The following CYP46A1 variants were observed in gnomAD, a reference collection of about 807,000 sequenced individuals.
The protein encoded by CYP46A1 is cytochrome P450 family 46 subfamily A member 1.
CYP46A1 carries 20 observed loss-of-function variants against 63.3 expected under a neutral mutation model. The observed-to-expected ratio is 0.32, with a 90% CI of 0.22 to 0.46. The LOEUF is 0.46. Among genes scored for constraint, CYP46A1 ranks in the 20% least tolerant of loss-of-function variants. CYP46A1 has a pLI of 1.00. For missense variants in CYP46A1, 445 were observed against 670.8 expected (o/e 0.66, Z 3.72); for synonymous variants, 268 against 273.6 (o/e 0.98, Z 0.20).
intron 6 of CYP46A1, 85 bp downstream of exon 6, chr14:99,706,870 C>G: frequency 6.7e-7 from 1 of 1,487,892 alleles, no homozygotes; most frequent in Non-Finnish European, 9.0e-7. Flanking sequence ...TTCTCTCTTC[C>G]CCTCCCTCCT....
intron 7 of CYP46A1, chr14:99,709,210 TA>T (rs1428518743): frequency 2.0e-5 from 3 of 151,748 alleles, no homozygotes; most frequent in Non-Finnish European, 2.9e-5. Flanking sequence ...CCAAAGAAAA[TA>T]AAATTTATTA....
intron 7 of CYP46A1, 157 bp downstream of exon 7, chr14:99,707,835 C>A: frequency 1.6e-6 from 1 of 614,526 alleles, no homozygotes; most frequent in Non-Finnish European, 2.8e-6. Context: ...GCATGCATTG[C>A]CTAAAGTAAA....
At chr14:99,697,514 G>A (rs989415639) in intron 3 of CYP46A1, among the ~76,000 whole-genome samples, 4 of 152,136 alleles carry the variant, frequency 2.6e-5, no homozygotes, top group Non-Finnish European at 5.9e-5. Flanking sequence ...TAGAAAGCTC[G>A]GTAATCCTAG....
chr14:99,710,161 A>G (rs2056716712), intron 7 of CYP46A1: 1 of 152,212 alleles, frequency 6.6e-6, no homozygotes, highest in African/African-American at 2.4e-5. Flanking sequence ...GATAGGGCAG[A>G]TCAGCAAATG....
chr14:99,713,580 C>G (rs763400085), intron 7 of CYP46A1: 11 of 151,672 alleles, frequency 7.3e-5, no homozygotes, highest in African/African-American at 2.7e-4. Flanking sequence ...GCAACAACAA[C>G]GAAAATAGAC....
At chr14:99,716,106 G>T in intron 8 of CYP46A1, 31 bp from the exon 9 acceptor site, 1 of 1,614,040 alleles carries the variant, frequency 6.2e-7, no homozygotes, top group Admixed American at 1.7e-5. Context: ...GCAAAGATTT[G>T]CTGGGAACTG....
chr14:99,724,818 G>A (rs1474610065), intron 12 of CYP46A1, among the ~76,000 whole-genome samples: 1 of 152,210 alleles, frequency 6.6e-6, no homozygotes, highest in African/African-American at 2.4e-5. Context: ...ACAGGCTTAG[G>A]AGGAGATTTT....
At chr14:99,709,146 A>G (rs1460580287) in intron 7 of CYP46A1, 1 of 152,240 alleles carries the variant, frequency 6.6e-6, no homozygotes, top group African/African-American at 2.4e-5. Context: ...AAACATGGAA[A>G]AAGCAAGGAA....
Position 99,726,383 on chromosome 14 carries a change from G to A in CYP46A1, c.1332+127G>A, listed in dbSNP as rs1383819608. The stretch of plus-strand genomic sequence containing the variant: ...GGCTGTGGGCTCGGGACCCAGCGGA[G>A]CCAGACCCAGAGGACTGGCTGTGTT... On this transcript the variant is annotated intron_variant, in intron 14 of 14. Coordinates refer to ENST00000261835, the MANE Select transcript of CYP46A1 (RefSeq NM_006668.2). 3.3e-6 allele frequency: 4 copies of A among 1,209,260 alleles called. No homozygotes were observed. The Admixed American group carries it at 1.1e-4, about 34-fold the overall frequency. The allele number at this position is 1,209,260 out of a possible 1,614,324, so 74.9% of individuals were successfully genotyped here. A position where few individuals can be genotyped will look rare whatever the true frequency, so the allele number is the denominator to read the frequency against.
Position 99,716,168 on chromosome 14 carries a change from G to C in CYP46A1, c.876G>C (p.Leu292=). 1 of 1,614,252 alleles carries C rather than the reference G, an allele frequency of 6.2e-7. No homozygotes were observed. Among genetic ancestry groups the C allele is most frequent in the Non-Finnish European group, 8.5e-7 (1 of 1,180,040 alleles). ...AGGGAGCCCAGGACGACGAGGGTCT[G>C]CTGGACAACTTCGTCACCTTCTTCA... ...AEEGAQDDEG[L]LDNFVTFFIA... is the part of the protein sequence containing the mutation. Residue 292 remains leucine, a synonymous_variant, in exon 9 of 15, where the codon CTG becomes CTC. Coordinates refer to ENST00000261835, the MANE Select transcript of CYP46A1 (RefSeq NM_006668.2).
chr14:99,687,346 G>A (rs2056503295), intron 1 of CYP46A1, among the ~76,000 whole-genome samples: 2 of 152,180 alleles, frequency 1.3e-5, no homozygotes, highest in African/African-American at 4.8e-5. Context: ...TTATTTATTT[G>A]GGGATAAATT....
chr14:99,722,249 A>G lies in CYP46A1; in HGVS notation c.1176+183A>G, dbSNP rs1005935732. ...TGTGAGGGCTTTTTCCCCTCCTCAC[A>G]CTGTCCAGCAGAAGATTACAGGGGG... On this transcript the variant is annotated intron_variant, in intron 12 of 14. Coordinates refer to ENST00000261835, the MANE Select transcript of CYP46A1 (RefSeq NM_006668.2). The surrounding 1 kb of genome is among the most constrained non-coding windows in gnomAD (Gnocchi z 4.6). Among the ~76,000 whole-genome samples, 4 of 151,984 alleles carry G rather than the reference A, an allele frequency of 2.6e-5. No individual in the cohort carries two copies. Among genetic ancestry groups the G allele is most frequent in the Non-Finnish European group, 5.9e-5 (4 of 67,988 alleles).
At chr14:99,720,815 G>A (rs2056839070) in intron 10 of CYP46A1, among the ~76,000 whole-genome samples, 1 of 152,166 alleles carries the variant, frequency 6.6e-6, no homozygotes, top group African/African-American at 2.4e-5. Context: ...TGGGCACAGT[G>A]GCTCATGCCT....
At chr14:99,713,431 A>G (rs1403088473) in intron 7 of CYP46A1, 2 of 65,810 alleles carry the variant, frequency 3.0e-5, no homozygotes, top group Admixed American at 3.2e-4. Flanking sequence ...CTACAAGACT[A>G]CATCTCAAAA....
In CYP46A1 at chr14:99,691,848, C is replaced by T. The variant is rs1405141990; in HGVS notation, c.269C>T (p.Pro90Leu). ...AAAACCTCAGTCATCGTCACGAGTC[C>T]TGAGTCGGTTAAGGTAGGAGGAAGA... ...FHKTSVIVTSPESVKKFLMST... is the reference protein window; with the variant it reads ...FHKTSVIVTSLESVKKFLMST... The change falls in exon 3 of 15, where the codon CCT becomes CTT. Residue 90 changes from proline to leucine, a missense_variant. This residue lies in a region of CYP46A1 where 252 missense variants were observed against 383.3 expected (regional missense o/e 0.66). Transcript: ENST00000261835. 1 of 1,614,186 alleles carries T rather than the reference C, an allele frequency of 6.2e-7. No homozygotes were observed. The highest frequency in any genetic ancestry group is 8.5e-7 in the Non-Finnish European group (1 of 1,180,022).
In CYP46A1 at chr14:99,725,375, G is replaced by C. The variant is rs1278669188; in HGVS notation, c.1177-16G>C. The C allele has an allele frequency of 1.2e-6, 2 of 1,612,122 alleles. No individual in the cohort carries two copies. The highest frequency in any genetic ancestry group is 2.7e-5 in the African/African-American group (2 of 74,866). The stretch of plus-strand genomic sequence containing the variant: ...ACAACCTGGGAACCAGAGATGAGCG[G>C]ACCCTTTGCCCGCAGTTCAGCACCT... On this transcript the variant is annotated splice_polypyrimidine_tract_variant and intron_variant, in intron 12 of 14. Transcript: ENST00000261835. The surrounding 1 kb of genome is among the most constrained non-coding windows in gnomAD (Gnocchi z 4.2).
chr14:99,691,718 G>C (rs545500131), intron 2 of CYP46A1, 62 bp from the exon 3 acceptor site: 8 of 1,475,122 alleles, frequency 5.4e-6, no homozygotes, highest in Non-Finnish European at 7.6e-6. Flanking sequence ...CAGCTGGGCG[G>C]GGTTGGTGAT....
intron 3 of CYP46A1, among the ~76,000 whole-genome samples, chr14:99,698,216 G>A (rs1235560733): frequency 6.6e-6 from 1 of 152,020 alleles, no homozygotes; most frequent in Non-Finnish European, 1.5e-5. Flanking sequence ...CAGTAGCCCA[G>A]AGGGCAGGCC....
chr14:99,726,211 C>G lies in CYP46A1; in HGVS notation c.1287C>G (p.Pro429=), dbSNP rs763503185. The G allele has an allele frequency of 3.1e-6, 5 of 1,614,016 alleles. No homozygotes were observed. The Admixed American group carries it at 8.3e-5, about 27-fold the overall frequency. ...GAPKPRFTYF[P]FSLGHRSCIG... is the part of the protein sequence containing the mutation. ...GCAGGCCACGGTTCACCTACTTCCC[C>G]TTCTCCCTGGGCCACCGCTCCTGCA... The change falls in exon 14 of 15, where the codon CCC becomes CCG. Residue 429 remains proline, a synonymous_variant. Transcript: ENST00000261835.
Sources: allele counts gnomAD v4.1 joint callset (sites outside exome capture counted in the v4.1 genomes callset), GRCh38; gene constraint gnomAD v4.1.1; regional missense constraint gnomAD v4.1.1; non-coding constraint Gnocchi (gnomAD v3.1); transcripts MANE v1.5; gene names NCBI Gene and HGNC (gene_info 2026-07-23, HGNC 2026-07-21).